The following TMCO4 variants were observed in gnomAD, a reference collection of about 807,000 sequenced individuals.
TMCO4 encodes transmembrane and coiled-coil domains 4, also known as transmembrane and coiled-coil domain-containing protein 4.
In TMCO4, 58 loss-of-function variants were observed where a neutral mutation model predicts 64.7. That is an observed-to-expected ratio of 0.90 (90% confidence interval 0.73 to 1.12). The LOEUF (loss-of-function observed/expected upper bound fraction) is 1.12. Ranked by LOEUF, TMCO4 falls within the 50% of genes most tolerant of loss-of-function variation. The probability of loss-of-function intolerance (pLI) is 0.00; values close to 1 mark genes in which losing one functional copy is unlikely to be tolerated. For missense variants in TMCO4, 780 were observed against 825.9 expected (o/e 0.94, Z 0.68); for synonymous variants, 325 against 346.1 (o/e 0.94, Z 0.68).
chr1:19,751,451 G>T (rs1296953195), intron 7 of TMCO4, among the ~76,000 whole-genome samples: 1 of 152,090 alleles, frequency 6.6e-6, no homozygotes, highest in Non-Finnish European at 1.5e-5. Context: ...AAAAAAATTA[G>T]CCGGGCATGG....
intron 13 of TMCO4, among the ~76,000 whole-genome samples, chr1:19,731,569 C>T (rs569405254): frequency 1.8e-4 from 28 of 152,354 alleles, no homozygotes; most frequent in South Asian, 1.4e-3. Flanking sequence ...AGCTTCTCAG[C>T]GGAGAAGAGC....
intron 7 of TMCO4, 63 bp from the exon 8 acceptor site, chr1:19,747,323 C>T: frequency 7.2e-7 from 1 of 1,390,010 alleles, no homozygotes; most frequent in Non-Finnish European, 1.0e-6. Context: ...GACATCCCCA[C>T]CACACCAACC....
chr1:19,787,312 C>T (rs2101106909), intron 2 of TMCO4, among the ~76,000 whole-genome samples, 195 bp from the exon 3 acceptor site: 1 of 152,344 alleles, frequency 6.6e-6, no homozygotes, highest in East Asian at 1.9e-4. Context: ...GGGCAGGCAG[C>T]TACCACTGCT....
intron 13 of TMCO4, among the ~76,000 whole-genome samples, chr1:19,710,069 C>T (rs2095323370): frequency 6.6e-6 from 1 of 151,460 alleles, no homozygotes; most frequent in African/African-American, 2.4e-5. Context: ...GTGTGAGCCA[C>T]CGTGCCCAGC....
intron 3 of TMCO4, among the ~76,000 whole-genome samples, chr1:19,784,390 T>C (rs956450511): frequency 6.6e-6 from 1 of 152,048 alleles, no homozygotes; most frequent in Non-Finnish European, 1.5e-5. Flanking sequence ...AAAAATTAAC[T>C]GTGCATGGTT....
intron 13 of TMCO4, among the ~76,000 whole-genome samples, chr1:19,710,370 C>T (rs910895067): frequency 5.3e-5 from 8 of 151,998 alleles, no homozygotes; most frequent in Non-Finnish European, 1.2e-4. Context: ...GCCTCAGCCT[C>T]CCAAAGTGCT....
chr1:19,701,625 T>C (rs2095272922), intron 13 of TMCO4, among the ~76,000 whole-genome samples: 1 of 152,034 alleles, frequency 6.6e-6, no homozygotes, highest in African/African-American at 2.4e-5. Context: ...TGTCTTCCTT[T>C]AGAAGAGACT....
At chr1:19,779,409 G>T (rs184357773) in intron 4 of TMCO4, among the ~76,000 whole-genome samples, 2 of 152,222 alleles carry the variant, frequency 1.3e-5, no homozygotes, top group East Asian at 3.9e-4. Context: ...GGATGACTCC[G>T]TTGGCCTCCT....
At position 19,734,223 on chromosome 1, in the gene TMCO4, G is replaced by A. The variant is rs1029516286; in HGVS notation, c.1264+3149C>T. 1.4e-4 allele frequency among the ~76,000 whole-genome samples: 22 copies of A among 152,256 alleles called. No individual in the cohort carries two copies. The highest frequency in any genetic ancestry group is 4.6e-4 in the African/African-American group (19 of 41,550). On this transcript the variant is annotated intron_variant, in intron 13 of 15. Coordinates refer to ENST00000294543, the MANE Select transcript of TMCO4 (RefSeq NM_181719.7). This position sits in a 1 kb window ranked among gnomAD's most constrained non-coding sequence, Gnocchi z 4.4. ...CCCGGCATGTGAGGTGGAGAGAGGC[G>A]GGGGAAGGTGCTGAAGGCAGATCAT...
chr1:19,692,785 G>A (rs1425622734), intron 15 of TMCO4, among the ~76,000 whole-genome samples: 1 of 151,810 alleles, frequency 6.6e-6, no homozygotes, highest in African/African-American at 2.4e-5. Context: ...TAGGCTTAGG[G>A]CAGAGCGGGA....
chr1:19,780,108 C>T (rs769476603), intron 4 of TMCO4, among the ~76,000 whole-genome samples: 5 of 152,110 alleles, frequency 3.3e-5, no homozygotes, highest in Non-Finnish European at 5.9e-5. Context: ...GATCATCAGG[C>T]GTTAGTTAGA....
chr1:19,769,655 A>G (rs182151977), intron 6 of TMCO4, among the ~76,000 whole-genome samples: 10 of 152,320 alleles, frequency 6.6e-5, no homozygotes, highest in Admixed American at 5.9e-4. Context: ...CCCAGTTTAG[A>G]GAACAGAAGA....
intron 6 of TMCO4, among the ~76,000 whole-genome samples, chr1:19,764,544 C>T (rs550405361): frequency 1.3e-5 from 2 of 152,192 alleles, no homozygotes; most frequent in African/African-American, 2.4e-5. Flanking sequence ...TGTTTGGATA[C>T]GGATTATAAA....
chr1:19,718,212 G>A (rs192553261), intron 13 of TMCO4, among the ~76,000 whole-genome samples: 4 of 152,204 alleles, frequency 2.6e-5, no homozygotes, highest in African/African-American at 9.6e-5. Flanking sequence ...GTGGGCACCT[G>A]TAATCCCAGC....
At chr1:19,778,067 C>T (rs2043292770) in intron 4 of TMCO4, among the ~76,000 whole-genome samples, 1 of 151,982 alleles carries the variant, frequency 6.6e-6, no homozygotes, top group Admixed American at 6.5e-5. Flanking sequence ...CAAAAAACCA[C>T]AAAAATATCC....
chr1:19,729,552 G>A (rs1387221312), intron 13 of TMCO4, among the ~76,000 whole-genome samples: 1 of 151,812 alleles, frequency 6.6e-6, no homozygotes, highest in Non-Finnish European at 1.5e-5. Context: ...GATCACCTGA[G>A]GTCAGGAGTT....
chr1:19,688,803 C>T (rs1570618778), intron 15 of TMCO4, among the ~76,000 whole-genome samples: 1 of 152,216 alleles, frequency 6.6e-6, no homozygotes, highest in Non-Finnish European at 1.5e-5. Context: ...TTGTTGGCTA[C>T]TGCGGTTATT....
At chr1:19,729,620 G>T (rs1479710778) in intron 13 of TMCO4, among the ~76,000 whole-genome samples, 2 of 151,800 alleles carry the variant, frequency 1.3e-5, no homozygotes, top group Non-Finnish European at 2.9e-5. Flanking sequence ...ACAAAAATTA[G>T]CTGGGTGTGG....
At chr1:19,750,215 C>T (rs536593925) in intron 7 of TMCO4, 1 of 152,262 alleles carries the variant, frequency 6.6e-6, no homozygotes, top group East Asian at 1.9e-4. Context: ...TAAGTCAGTT[C>T]CAAGTGGAAG....
Sources: allele counts gnomAD v4.1 joint callset (sites outside exome capture counted in the v4.1 genomes callset), GRCh38; gene constraint gnomAD v4.1.1; non-coding constraint Gnocchi (gnomAD v3.1); transcripts MANE v1.5; gene names NCBI Gene and HGNC (gene_info 2026-07-23, HGNC 2026-07-21).